Variants in IL1RL2 observed in about 807,000 individuals in gnomAD.
The protein encoded by IL1RL2 is interleukin 1 receptor like 2.
A neutral mutation model predicts 66.8 loss-of-function variants in IL1RL2; 68 were observed. The observed-to-expected ratio is 1.02, with a 90% CI of 0.84 to 1.25. IL1RL2 has a LOEUF of 1.25. Ranked by LOEUF, IL1RL2 falls within the 50% of genes most tolerant of loss-of-function variation. The pLI, the probability that IL1RL2 is intolerant of heterozygous loss-of-function variation, is 0.00. For synonymous variants in IL1RL2, 305 were observed against 264.6 expected, an observed-to-expected ratio of 1.15 and a Z score of -1.48; for missense variants, 729 against 709.3, an observed-to-expected ratio of 1.03 and a Z score of -0.32.
intron 8 of IL1RL2, 148 bp from the exon 9 acceptor site, chr2:102,225,750 A>G: frequency 2.1e-6 from 1 of 480,724 alleles, no homozygotes; most frequent in Non-Finnish European, 3.3e-6. Flanking sequence ...TTTGACTTTA[A>G]AGAAATGTTT....
At chr2:102,222,352 G>A (rs905574288) in intron 8 of IL1RL2, among the ~76,000 whole-genome samples, 12 of 152,272 alleles carry the variant, frequency 7.9e-5, no homozygotes, top group Admixed American at 3.9e-4. Flanking sequence ...TCCTGCTTGT[G>A]TGTCTGTGTA....
intron 10 of IL1RL2, among the ~76,000 whole-genome samples, chr2:102,234,670 C>G (rs1193649865): frequency 6.6e-6 from 1 of 151,976 alleles, no homozygotes; most frequent in African/African-American, 2.4e-5. Flanking sequence ...GTCTGTAATC[C>G]CAGGTACTTA....
intron 11 of IL1RL2, 28 bp from the exon 12 acceptor site, chr2:102,239,164 G>A (rs1239403319): frequency 1.2e-6 from 2 of 1,610,808 alleles, no homozygotes; most frequent in Non-Finnish European, 8.5e-7. Flanking sequence ...CATCAGAAAA[G>A]GAGTAAATAG....
rs145958342 is a variant in IL1RL2, at chr2:102,208,918, A to G, written c.650-3182A>G. Among the ~76,000 whole-genome samples, 696 of 152,340 alleles carry G rather than the reference A, an allele frequency of 4.6e-3. 3 individuals carry two copies. The highest frequency in any genetic ancestry group is 8.9e-3 in the Admixed American group (136 of 15,304). On this transcript the variant is annotated intron_variant, in intron 5 of 11. Transcript: ENST00000264257. ...GCTCTTGGGTTTTCTGCTGACCATT[A>G]TCTCTCTGAAAGAAAGCACCTGCCT...
intron 7 of IL1RL2, 51 bp from the exon 8 acceptor site, chr2:102,219,829 AT>A: frequency 6.7e-7 from 1 of 1,488,888 alleles, no homozygotes; most frequent in Non-Finnish European, 9.3e-7. Flanking sequence ...ATTATAAAAT[AT>A]GTTGGGTAAA....
chr2:102,204,269 C>T (rs1304583804), intron 5 of IL1RL2, among the ~76,000 whole-genome samples: 1 of 151,972 alleles, frequency 6.6e-6, no homozygotes. Flanking sequence ...CCAATTTTTT[C>T]AGTGTCTTAA....
intron 5 of IL1RL2, among the ~76,000 whole-genome samples, chr2:102,209,860 G>A (rs1319910534): frequency 1.3e-5 from 2 of 152,130 alleles, no homozygotes; most frequent in Non-Finnish European, 1.5e-5. Context: ...TCTCCTTCAA[G>A]CAATCATTTA....
intron 3 of IL1RL2, among the ~76,000 whole-genome samples, chr2:102,190,299 A>G (rs1054265539): frequency 6.6e-6 from 1 of 152,190 alleles, no homozygotes; most frequent in African/African-American, 2.4e-5. Context: ...CTGTAGAACA[A>G]ATTTAGCCTG....
At chr2:102,228,842 A>G (rs1187797473) in intron 9 of IL1RL2, among the ~76,000 whole-genome samples, 1 of 152,208 alleles carries the variant, frequency 6.6e-6, no homozygotes, top group Non-Finnish European at 1.5e-5. Flanking sequence ...ATGAGAGAAC[A>G]TGGCTTTTTC....
intron 9 of IL1RL2, among the ~76,000 whole-genome samples, chr2:102,232,455 C>T (rs1422346439): frequency 1.3e-5 from 2 of 152,180 alleles, no homozygotes; most frequent in East Asian, 3.9e-4. Context: ...TCCTGAGTAG[C>T]TGGGATTTCA....
At chr2:102,196,916 A>G (rs1317556608) in intron 4 of IL1RL2, among the ~76,000 whole-genome samples, 1 of 152,222 alleles carries the variant, frequency 6.6e-6, no homozygotes, top group Non-Finnish European at 1.5e-5. Flanking sequence ...GCAAATTCAC[A>G]TTTGAGAAAA....
At chr2:102,232,649 A>G (rs1691236290) in intron 9 of IL1RL2, among the ~76,000 whole-genome samples, 1 of 152,172 alleles carries the variant, frequency 6.6e-6, no homozygotes, top group Non-Finnish European at 1.5e-5. Context: ...TTCTGGCCAC[A>G]TCACAGGGAG....
At chr2:102,220,937 T>C (rs147403633) in intron 8 of IL1RL2, among the ~76,000 whole-genome samples, 2 of 152,334 alleles carry the variant, frequency 1.3e-5, no homozygotes, top group Admixed American at 6.5e-5. Context: ...AGAATTGCAG[T>C]GAATAGGGAT....
chr2:102,198,566 G>T (rs1051616646), intron 4 of IL1RL2, among the ~76,000 whole-genome samples: 3 of 152,128 alleles, frequency 2.0e-5, no homozygotes, highest in Non-Finnish European at 2.9e-5. Context: ...CCTGATTGTG[G>T]CATTCAACAT....
chr2:102,201,508 A>C lies in IL1RL2; in HGVS notation c.490-48A>C, dbSNP rs758960247. 3 of 1,551,142 alleles carry C rather than the reference A, an allele frequency of 1.9e-6. No individual in the cohort carries two copies. The South Asian group carries it at 3.4e-5, about 17-fold the overall frequency. ...ATTACCTAAATACTAGGGATCACAC[A>C]GGTTTCTAAGTATTCATTGAATTGA... On this transcript the variant is annotated intron_variant, in intron 4 of 11. Transcript: ENST00000264257.
rs1157657790 is a variant in IL1RL2 at position 102,187,066 on chromosome 2, G to A, written c.-33G>A. On this transcript the variant is annotated 5_prime_UTR_variant, in exon 1 of 12. Coordinates refer to ENST00000264257, the MANE Select transcript of IL1RL2 (RefSeq NM_003854.4). ...TTTTCCACTCTCCACGAGGTCCTGC[G>A]CGCTTCAATCCTGCAGGCAGGTAGA... The A allele has an allele frequency of 1.3e-5, 17 of 1,289,716 alleles. No individual in the cohort carries two copies. Among genetic ancestry groups the A allele is most frequent in the Middle Eastern group, 2.1e-4 (1 of 4,714 alleles). The allele number at this position is 1,289,716 out of a possible 1,614,324, so 79.9% of individuals were successfully genotyped here. A position where few individuals can be genotyped will look rare whatever the true frequency, so the allele number is the denominator to read the frequency against.
chr2:102,187,304 C>T (rs1417004249), intron 1 of IL1RL2: 10 of 1,175,330 alleles, frequency 8.5e-6, no homozygotes, highest in South Asian at 1.6e-5. Flanking sequence ...TCCAGCGGCT[C>T]CCTGCCTTCC....
At chr2:102,227,242 G>T (rs761123660) in intron 9 of IL1RL2, among the ~76,000 whole-genome samples, 5 of 152,156 alleles carry the variant, frequency 3.3e-5, no homozygotes, top group Non-Finnish European at 7.3e-5. Context: ...AAGTCCAGAG[G>T]CCTGAGTGAC....
chr2:102,193,462 G>T (rs1641153040), intron 4 of IL1RL2, among the ~76,000 whole-genome samples: 1 of 152,100 alleles, frequency 6.6e-6, no homozygotes, highest in Non-Finnish European at 1.5e-5. Context: ...GGAGTGCAGT[G>T]GTGTGATCAT....
Sources: gnomAD v4.1 joint callset for allele counts (sites outside exome capture counted in the v4.1 genomes callset) on GRCh38, gnomAD v4.1.1 for gene constraint, MANE v1.5 for transcripts, NCBI Gene and HGNC (gene_info 2026-07-23, HGNC 2026-07-21) for gene names.